Variants in TBC1D15 observed in about 807,000 individuals in gnomAD.
The protein encoded by TBC1D15 is TBC1 domain family member 15.
TBC1D15 carries 39 observed loss-of-function variants against 95.4 expected under a neutral mutation model. That is an observed-to-expected ratio of 0.41 (90% CI 0.32 to 0.53). The LOEUF (loss-of-function observed/expected upper bound fraction) is 0.53, where lower values mean the gene tolerates loss of function less well. Ranked by LOEUF, TBC1D15 falls within the 20% of genes least tolerant of loss-of-function variation. The pLI, the probability that TBC1D15 is intolerant of heterozygous loss-of-function variation, is 0.29. For synonymous variants in TBC1D15, 258 were observed against 261.3 expected, an observed-to-expected ratio of 0.99 and a Z score of 0.12; for missense variants, 733 against 794.3, an observed-to-expected ratio of 0.92 and a Z score of 0.93.
chr12:71,869,325 C>T (rs1443942441), intron 1 of TBC1D15, among the ~76,000 whole-genome samples: 2 of 152,090 alleles, frequency 1.3e-5, no homozygotes, highest in Non-Finnish European at 2.9e-5. Flanking sequence ...GAGTTTGAGA[C>T]CAGCGTGGCC....
At chr12:71,848,291 G>A (rs1886839992) in intron 1 of TBC1D15, among the ~76,000 whole-genome samples, 1 of 152,128 alleles carries the variant, frequency 6.6e-6, no homozygotes, top group African/African-American at 2.4e-5. Flanking sequence ...TAGGTGTAGT[G>A]TTTTATATTT....
intron 1 of TBC1D15, among the ~76,000 whole-genome samples, chr12:71,845,957 A>G (rs919220234): frequency 1.3e-5 from 2 of 151,964 alleles, no homozygotes; most frequent in Non-Finnish European, 2.9e-5. Context: ...ATAAAAAATT[A>G]CTACTGTATT....
Position 71,917,776 on chromosome 12 carries a change from A to G in TBC1D15, c.1480A>G (p.Ser494Gly), listed in dbSNP as rs1225822385. ...GAGTACCTTACTTCGATTGTTAGAC[A>G]GTGGATTTTGCAGTTACTTAGGTAA... ...QLSTLLRLLD[S>G]GFCSYLESQD... Residue 494 changes from serine (S) to glycine (G), a missense_variant, in exon 13 of 17, where the codon AGT becomes GGT. Ser to Gly is a moderately conservative substitution (Grantham distance 56). Transcript: ENST00000485960. 5 of 1,612,580 alleles carry G rather than the reference A, an allele frequency of 3.1e-6. No individual in the cohort carries two copies. The African/African-American group carries it at 5.3e-5, about 17-fold the overall frequency.
rs781327553 is a variant in TBC1D15, at chr12:71,873,022, T to C, written c.204+19T>C. 6.5e-7 allele frequency: 1 copy of C among 1,530,002 alleles called. No individual in the cohort carries two copies. Among genetic ancestry groups the C allele is most frequent in the Admixed American group, 1.9e-5 (1 of 53,512 alleles). 94.8% of individuals were successfully genotyped at this position (1,530,002 alleles called of 1,614,324 possible). ...TAGAAAGGTATTTAAGAAAAAAATG[T>C]GTTACTAAGGGAATGCCATTTAAAA... is the stretch of plus-strand genomic sequence containing the variant. On this transcript the variant is annotated intron_variant, in intron 3 of 16. Transcript: ENST00000485960.
At chr12:71,843,862 A>G (rs747370346) in intron 1 of TBC1D15, among the ~76,000 whole-genome samples, 3 of 152,178 alleles carry the variant, frequency 2.0e-5, no homozygotes, top group Non-Finnish European at 2.9e-5. Context: ...ACCATTCTCT[A>G]TATCTCAAAA....
At chr12:71,917,546 C>G in intron 12 of TBC1D15, 152 bp from the exon 13 acceptor site, 1 of 479,624 alleles carries the variant, frequency 2.1e-6, no homozygotes, top group Non-Finnish European at 3.7e-6. Context: ...TTTAGTGTTA[C>G]GTTAGATTTT....
rs1346312016 is a variant in TBC1D15 at position 71,923,750 on chromosome 12, A to C, written c.*546A>C. On this transcript the variant is annotated 3_prime_UTR_variant, in exon 17 of 17. Coordinates refer to ENST00000485960, the MANE Select transcript of TBC1D15 (RefSeq NM_001146213.3). ...ATCAATGCAGTCTAATGTGTAGATA[A>C]ATATTTCAACCATAATAAGTGGATT... is the stretch of plus-strand genomic sequence containing the variant. 2 of 152,674 alleles carry C rather than the reference A, an allele frequency of 1.3e-5. No homozygotes were observed. Among genetic ancestry groups the C allele is most frequent in the African/African-American group, 4.8e-5 (2 of 41,440 alleles). The allele number at this position is 152,674 out of a possible 1,614,324, so 9.5% of individuals were successfully genotyped here.
At chr12:71,905,127 C>G (rs1346116837) in intron 10 of TBC1D15, among the ~76,000 whole-genome samples, 1 of 152,008 alleles carries the variant, frequency 6.6e-6, no homozygotes, top group Non-Finnish European at 1.5e-5. Flanking sequence ...TGTTTTTCAC[C>G]TGGCTTGTCA....
chr12:71,883,163 A>C (rs1476614828), intron 4 of TBC1D15, among the ~76,000 whole-genome samples: 1 of 151,322 alleles, frequency 6.6e-6, no homozygotes, highest in African/African-American at 2.4e-5. Flanking sequence ...TTTCTGTGAA[A>C]TATTTTTGGT....
intron 1 of TBC1D15, among the ~76,000 whole-genome samples, chr12:71,871,030 C>A (rs546031334): frequency 1.8e-4 from 28 of 151,998 alleles, no homozygotes; most frequent in African/African-American, 6.3e-4. Flanking sequence ...GTTCTTAGGT[C>A]TAGAAGTGAC....
chr12:71,909,124 AC>A (rs1465926390), intron 11 of TBC1D15, among the ~76,000 whole-genome samples: 2 of 152,206 alleles, frequency 1.3e-5, no homozygotes, highest in Non-Finnish European at 2.9e-5. Flanking sequence ...TGGATAACTT[AC>A]CATCTCCATT....
intron 1 of TBC1D15, among the ~76,000 whole-genome samples, chr12:71,845,187 A>C (rs1885994435): frequency 6.6e-6 from 1 of 152,226 alleles, no homozygotes; most frequent in African/African-American, 2.4e-5. Context: ...ATCAGGAAGT[A>C]TAGCCTCACT....
chr12:71,913,342 A>G (rs1566069438), intron 11 of TBC1D15: 3 of 152,776 alleles, frequency 2.0e-5, no homozygotes, highest in Non-Finnish European at 1.5e-5. Context: ...TGGCTTACTC[A>G]TGGTAGTTTG....
At chr12:71,914,273 A>G (rs981132785) in intron 12 of TBC1D15, among the ~76,000 whole-genome samples, 4 of 151,982 alleles carry the variant, frequency 2.6e-5, no homozygotes, top group African/African-American at 9.7e-5. Context: ...TGTTTCAGAG[A>G]TAAAGCTTAG....
At chr12:71,893,953 T>C (rs1255720883) in intron 6 of TBC1D15, among the ~76,000 whole-genome samples, 1 of 150,258 alleles carries the variant, frequency 6.7e-6, no homozygotes, top group Non-Finnish European at 1.5e-5. Flanking sequence ...ATTAATAAGA[T>C]ATAGAGGGAA....
chr12:71,911,041 A>G (rs1902142051), intron 11 of TBC1D15, among the ~76,000 whole-genome samples: 1 of 152,212 alleles, frequency 6.6e-6, no homozygotes, highest in Non-Finnish European at 1.5e-5. Context: ...ATCACTGGCC[A>G]TCAGAGAAAT....
intron 1 of TBC1D15, among the ~76,000 whole-genome samples, chr12:71,865,137 G>T (rs749652198): frequency 1.3e-5 from 2 of 152,166 alleles, no homozygotes; most frequent in Non-Finnish European, 2.9e-5. Context: ...AGCAGCTGTG[G>T]GTTTCCATGT....
chr12:71,915,464 A>C (rs80294861), intron 12 of TBC1D15, among the ~76,000 whole-genome samples: 8 of 151,742 alleles, frequency 5.3e-5, no homozygotes, highest in Non-Finnish European at 1.0e-4. Context: ...AAAAAAAAAA[A>C]ACACAACTAA....
chr12:71,923,544 G>T lies in TBC1D15; in HGVS notation c.*340G>T, dbSNP rs565817177. On this transcript the variant is annotated 3_prime_UTR_variant, in exon 17 of 17. Coordinates refer to ENST00000485960, the MANE Select transcript of TBC1D15 (RefSeq NM_001146213.3). The stretch of plus-strand genomic sequence containing the variant: ...ACATTCACTTTGTTTAAGCTTATTG[G>T]GTTTCAGATTTGATTAAATTAAATG... The T allele has an allele frequency of 1.4e-4, 27 of 195,572 alleles. No individual in the cohort carries two copies. The highest frequency in any genetic ancestry group is 5.9e-4 in the African/African-American group (25 of 42,684). The allele number at this position is 195,572 out of a possible 1,614,324, so 12.1% of individuals were successfully genotyped here.
Sources: gnomAD v4.1 joint callset for allele counts (sites outside exome capture counted in the v4.1 genomes callset) on GRCh38, gnomAD v4.1.1 for gene constraint, MANE v1.5 for transcripts, NCBI Gene and HGNC (gene_info 2026-07-23, HGNC 2026-07-21) for gene names.